GPR89A: variants seen among roughly 807,000 people sequenced by gnomAD.
GPR89A encodes the protein golgi pH regulator A, also known as G protein-coupled receptor 89A.
Under a neutral mutation model 52.0 loss-of-function variants are expected in GPR89A, and 16 were observed. The observed-to-expected ratio is 0.31, with a 90% CI of 0.21 to 0.47. The LOEUF (loss-of-function observed/expected upper bound fraction) is 0.47, where lower values mean the gene tolerates loss of function less well. Among genes scored for constraint, GPR89A ranks in the 20% least tolerant of loss-of-function variants. GPR89A has a pLI of 1.00. For missense variants in GPR89A, 135 were observed against 449.4 expected (o/e 0.30, Z 6.33); for synonymous variants, 55 against 150.9 (o/e 0.36, Z 4.66).
intron 5 of GPR89A, among the ~76,000 whole-genome samples, chr1:145,628,417 A>C (rs1228361873): frequency 2.0e-5 from 3 of 152,114 alleles, no homozygotes; most frequent in Non-Finnish European, 4.4e-5. Context: ...CAATGAAACA[A>C]GGATTGGAAA....
intron 1 of GPR89A, among the ~76,000 whole-genome samples, chr1:145,615,175 C>G (rs1571463604): frequency 6.6e-6 from 1 of 152,048 alleles, no homozygotes; most frequent in Admixed American, 6.5e-5. Context: ...TGCAATCTCT[C>G]GGCTTTACAT....
chr1:145,660,493 G>C (rs1188784085), intron 10 of GPR89A, among the ~76,000 whole-genome samples: 1 of 151,412 alleles, frequency 6.6e-6, no homozygotes, highest in African/African-American at 2.4e-5. Flanking sequence ...CACAGCAAAA[G>C]AAACTACCAT....
intron 7 of GPR89A, among the ~76,000 whole-genome samples, chr1:145,639,012 A>G (rs1257584306): frequency 1.3e-5 from 2 of 150,690 alleles, no homozygotes; most frequent in East Asian, 1.9e-4. Flanking sequence ...CAACGGACAT[A>G]TGAACATCAA....
intron 1 of GPR89A, among the ~76,000 whole-genome samples, chr1:145,611,949 C>T (rs1177427339): frequency 1.3e-4 from 19 of 151,856 alleles, no homozygotes; most frequent in African/African-American, 4.6e-4. Flanking sequence ...GTTCGTTTAC[C>T]TTCATGTATA....
chr1:145,614,998 A>C (rs1427697441), intron 1 of GPR89A, among the ~76,000 whole-genome samples: 1 of 152,204 alleles, frequency 6.6e-6, no homozygotes, highest in Admixed American at 6.5e-5. Flanking sequence ...CCCTAGAAAG[A>C]CATAAAATCA....
chr1:145,646,945 A>C lies in GPR89A; in HGVS notation c.817-230A>C, dbSNP rs2245323. 243 of 617,568 alleles carry C rather than the reference A, an allele frequency of 3.9e-4. 5 individuals are homozygous for C. In the Admixed American group the frequency reaches 8.4e-3, roughly 21 times the overall value. The allele number at this position is 617,568 out of a possible 1,614,324, so 38.3% of individuals were successfully genotyped here. A position where few individuals can be genotyped will look rare whatever the true frequency, so the allele number is the denominator to read the frequency against. ...AGATAATAGAACGTATCTCATAAGA[A>C]TTGTTATGAAGATTAAGTGGATAAT... On this transcript the variant is annotated intron_variant, in intron 9 of 13. Transcript: ENST00000313835.
At chr1:145,648,908 G>A (rs587625255) in intron 10 of GPR89A, among the ~76,000 whole-genome samples, 2 of 148,600 alleles carry the variant, frequency 1.3e-5, no homozygotes, top group Admixed American at 1.3e-4. Context: ...AGATTCAAGT[G>A]ATTCCCCTGC....
intron 7 of GPR89A, among the ~76,000 whole-genome samples, chr1:145,641,630 A>G (rs1553691748): frequency 1.3e-5 from 2 of 152,148 alleles, no homozygotes; most frequent in Non-Finnish European, 2.9e-5. Context: ...GTTGACTGAC[A>G]TTTAAACCTC....
At position 145,621,319 on chromosome 1, in the gene GPR89A, A is replaced by C. The variant is rs1649123567; in HGVS notation, c.207-1735A>C. Among the ~76,000 whole-genome samples the C allele has an allele frequency of 2.0e-5, 3 of 149,924 alleles. No homozygotes were observed. In the South Asian group the frequency reaches 6.4e-4, roughly 32 times the overall value. On this transcript the variant is annotated intron_variant, in intron 3 of 13. Transcript: ENST00000313835. The stretch of plus-strand genomic sequence containing the variant: ...TAATTATGCTTCCTTTGAGGAATTA[A>C]TTTTTATTTTCTTACAGACATGATG...
At position 145,663,353 on chromosome 1, in the gene GPR89A, C is replaced by T. The variant is rs782313035; in HGVS notation, c.934C>T (p.Arg312Ter). Residue 312 changes from arginine to a stop codon, truncating the protein, a stop_gained, in exon 11 of 14, where the codon CGA becomes TGA. Coordinates refer to ENST00000313835, the MANE Select transcript of GPR89A (RefSeq NM_001097612.2). LOFTEE classifies it high-confidence loss of function. ...GGCTACCATCAATATTGTTTTTGATCGAGTTGGGAAAACGGATCCTGTCAC... is the reference window on the plus strand; with the variant it reads ...GGCTACCATCAATATTGTTTTTGATTGAGTTGGGAAAACGGATCCTGTCAC... ...FMATINIVFD[R>*]VGKTDPVTRG... 5.6e-6 allele frequency: 9 copies of T among 1,610,280 alleles called. No homozygotes were observed. Among genetic ancestry groups the T allele is most frequent in the African/African-American group, 1.3e-5 (1 of 74,676 alleles).
chr1:145,614,444 G>A (rs1648519895), intron 1 of GPR89A, among the ~76,000 whole-genome samples: 1 of 152,104 alleles, frequency 6.6e-6, no homozygotes, highest in Admixed American at 6.5e-5. Flanking sequence ...TGTATCCTCA[G>A]CACTTAGCAT....
At chr1:145,616,660 C>A (rs184527529) in intron 2 of GPR89A, among the ~76,000 whole-genome samples, 1 of 152,248 alleles carries the variant, frequency 6.6e-6, no homozygotes, top group Non-Finnish European at 1.5e-5. Flanking sequence ...ATACCAAAAT[C>A]CCAAGGCTAT....
intron 12 of GPR89A, among the ~76,000 whole-genome samples, chr1:145,668,559 T>G (rs1210114078): frequency 3.9e-5 from 6 of 152,138 alleles, no homozygotes; most frequent in Non-Finnish European, 7.4e-5. Flanking sequence ...TGAATACCCT[T>G]TATTTCTTTC....
intron 10 of GPR89A, among the ~76,000 whole-genome samples, chr1:145,652,554 A>G (rs1553693692): frequency 8.0e-6 from 1 of 125,438 alleles, no homozygotes; most frequent in Non-Finnish European, 1.6e-5. Flanking sequence ...TGTTGTTTGG[A>G]ATAGTTGCAG....
intron 7 of GPR89A, among the ~76,000 whole-genome samples, chr1:145,632,481 T>G (rs1300356510): frequency 6.6e-6 from 1 of 152,140 alleles, no homozygotes; most frequent in Non-Finnish European, 1.5e-5. Flanking sequence ...ATTCCACATA[T>G]AAGTGAGAAC....
chr1:145,612,056 A>G (rs1553686246), intron 1 of GPR89A: 1 of 152,012 alleles, frequency 6.6e-6, no homozygotes, highest in African/African-American at 2.4e-5. Context: ...GTAGTTTGCC[A>G]ACGCCAGGAG....
intron 11 of GPR89A, among the ~76,000 whole-genome samples, chr1:145,664,147 C>T (rs1652397964): frequency 1.3e-5 from 2 of 151,240 alleles, no homozygotes; most frequent in Non-Finnish European, 2.9e-5. Flanking sequence ...ACGCAGACTG[C>T]GTGCTACCCC....
At chr1:145,611,918 C>A (rs587775751) in intron 1 of GPR89A, among the ~76,000 whole-genome samples, 33 of 152,090 alleles carry the variant, frequency 2.2e-4, no homozygotes, top group Middle Eastern at 3.4e-3. Context: ...TTGGATCCAA[C>A]TTACTTTCTT....
intron 10 of GPR89A, among the ~76,000 whole-genome samples, chr1:145,654,210 T>C (rs1431424345): frequency 3.3e-5 from 5 of 152,180 alleles, no homozygotes; most frequent in Non-Finnish European, 5.9e-5. Flanking sequence ...CCTTCACTTA[T>C]GAAGCTTAGT....
Sources: allele counts gnomAD v4.1 joint callset (sites outside exome capture counted in the v4.1 genomes callset), GRCh38; gene constraint gnomAD v4.1.1; transcripts MANE v1.5; gene names NCBI Gene and HGNC (gene_info 2026-07-23, HGNC 2026-07-21).